ME1: variants seen among roughly 807,000 people sequenced by gnomAD.
ME1 encodes the protein NADP-dependent malic enzyme.
Under a neutral mutation model 66.4 loss-of-function variants are expected in ME1, and 74 were observed. That is an observed-to-expected ratio of 1.11 (90% CI 0.92 to 1.35). The LOEUF is 1.35. ME1 is among the 40% of genes most tolerant of loss of function. The probability of loss-of-function intolerance (pLI) is 0.00; values close to 1 mark genes in which losing one functional copy is unlikely to be tolerated. For missense variants in ME1, 750 were observed against 694.1 expected, an observed-to-expected ratio of 1.08 and a Z score of -0.90; for synonymous variants, 251 against 235.6, an observed-to-expected ratio of 1.07 and a Z score of -0.60.
At chr6:83,251,900 A>C (rs1003425951) in intron 7 of ME1, among the ~76,000 whole-genome samples, 2 of 152,232 alleles carry the variant, frequency 1.3e-5, no homozygotes, top group Admixed American at 1.3e-4. Context: ...AAAGAAAACT[A>C]TCTCTGTTCA....
intron 3 of ME1, among the ~76,000 whole-genome samples, chr6:83,380,347 T>C (rs1769373274): frequency 6.6e-6 from 1 of 152,098 alleles, no homozygotes; most frequent in Non-Finnish European, 1.5e-5. Context: ...GTTTGAATTT[T>C]ATCATGGGGG....
chr6:83,223,972 C>T (rs1399322100), intron 11 of ME1, 39 bp from the exon 12 acceptor site: 1 of 1,577,530 alleles, frequency 6.3e-7, no homozygotes, highest in Admixed American at 1.7e-5. Context: ...TAAAAAGAAG[C>T]AGAATATTTT....
At chr6:83,359,527 CA>C (rs1290278822) in intron 3 of ME1, among the ~76,000 whole-genome samples, 2 of 152,074 alleles carry the variant, frequency 1.3e-5, no homozygotes, top group African/African-American at 4.8e-5. Flanking sequence ...TGTTGCAGCT[CA>C]GGGGGTTACA....
At chr6:83,281,159 T>C (rs1767279719) in intron 6 of ME1, among the ~76,000 whole-genome samples, 1 of 152,218 alleles carries the variant, frequency 6.6e-6, no homozygotes, top group Non-Finnish European at 1.5e-5. Context: ...GAAAAAATAC[T>C]TCAAAGCTTT....
intron 9 of ME1, among the ~76,000 whole-genome samples, chr6:83,231,641 C>T (rs1458133396): frequency 3.3e-5 from 5 of 152,134 alleles, no homozygotes; most frequent in Non-Finnish European, 5.9e-5. Flanking sequence ...GCTTATTTTT[C>T]TTTATTTTTC....
intron 6 of ME1, among the ~76,000 whole-genome samples, chr6:83,281,855 G>GAAAAAAAAAAAAAAA (rs1301482507): frequency 2.2e-5 from 1 of 45,352 alleles, no homozygotes. Flanking sequence ...ACAAAAAAGA[G>GAAAAAAAAAAAAAAA]AAAAAAAAAA....
intron 6 of ME1, among the ~76,000 whole-genome samples, chr6:83,261,944 G>A (rs1382882721): frequency 6.6e-6 from 1 of 150,508 alleles, no homozygotes; most frequent in Non-Finnish European, 1.5e-5. Flanking sequence ...AACCCAGGTG[G>A]TGGAGGTTGC....
intron 12 of ME1, among the ~76,000 whole-genome samples, chr6:83,222,071 G>T (rs1382511404): frequency 6.6e-6 from 1 of 151,848 alleles, no homozygotes; most frequent in African/African-American, 2.4e-5. Context: ...CACGGAATTT[G>T]TCACTAGAGG....
At chr6:83,387,887 G>C (rs761138935) in intron 3 of ME1, among the ~76,000 whole-genome samples, 1 of 151,756 alleles carries the variant, frequency 6.6e-6, no homozygotes, top group Non-Finnish European at 1.5e-5. Flanking sequence ...GATACCATTC[G>C]TGCAGCACAT....
At chr6:83,380,508 G>A (rs944571203) in intron 3 of ME1, among the ~76,000 whole-genome samples, 1 of 151,972 alleles carries the variant, frequency 6.6e-6, no homozygotes, top group African/African-American at 2.4e-5. Context: ...AAAAAAAGTG[G>A]CAATGGGGAT....
At chr6:83,321,448 A>T (rs150057613) in intron 5 of ME1, among the ~76,000 whole-genome samples, 2 of 152,122 alleles carry the variant, frequency 1.3e-5, no homozygotes, top group African/African-American at 4.8e-5. Flanking sequence ...GACCTGGGAC[A>T]CTCGAGCTTG....
At chr6:83,421,385 C>T (rs1406275454) in intron 1 of ME1, among the ~76,000 whole-genome samples, 3 of 152,184 alleles carry the variant, frequency 2.0e-5, no homozygotes, top group African/African-American at 4.8e-5. Flanking sequence ...TTAAAAATAA[C>T]AACCTGAGGG....
chr6:83,219,867 C>T (rs184498209), intron 12 of ME1, among the ~76,000 whole-genome samples: 5 of 151,642 alleles, frequency 3.3e-5, no homozygotes, highest in Admixed American at 2.0e-4. Flanking sequence ...GGATTACAGA[C>T]GTGAGCCACT....
intron 5 of ME1, among the ~76,000 whole-genome samples, chr6:83,329,069 T>C (rs148734973): frequency 1.3e-5 from 2 of 152,300 alleles, no homozygotes; most frequent in African/African-American, 4.8e-5. Flanking sequence ...TGTTTTTGTC[T>C]CCCACATTTC....
intron 13 of ME1, 107 bp from the exon 14 acceptor site, chr6:83,212,201 C>G: frequency 1.5e-6 from 1 of 667,078 alleles, no homozygotes; most frequent in Non-Finnish European, 2.3e-6. Context: ...CCTATGTTTG[C>G]AAAAACATTA....
intron 5 of ME1, among the ~76,000 whole-genome samples, chr6:83,328,961 C>T (rs1768354271): frequency 6.6e-6 from 1 of 152,124 alleles, no homozygotes. Context: ...TACTAATGAT[C>T]TTACTATTCA....
chr6:83,389,551 G>A (rs1769578842), intron 3 of ME1, among the ~76,000 whole-genome samples: 1 of 151,972 alleles, frequency 6.6e-6, no homozygotes, highest in Non-Finnish European at 1.5e-5. Context: ...CAAATACATG[G>A]TATAATAATA....
At chr6:83,212,791 A>G (rs1211040245) in intron 13 of ME1, among the ~76,000 whole-genome samples, 1 of 152,186 alleles carries the variant, frequency 6.6e-6, no homozygotes, top group Admixed American at 6.5e-5. Context: ...CCAAAAAGCA[A>G]TTCCAAACCT....
At chr6:83,260,443 A>G (rs1361891332) in intron 6 of ME1, among the ~76,000 whole-genome samples, 1 of 152,138 alleles carries the variant, frequency 6.6e-6, no homozygotes, top group East Asian at 1.9e-4. Flanking sequence ...TTTTAGGTTC[A>G]GGGGTACATA....
Sources: allele counts gnomAD v4.1 joint callset (sites outside exome capture counted in the v4.1 genomes callset), GRCh38; gene constraint gnomAD v4.1.1; transcripts MANE v1.5; gene names NCBI Gene and HGNC (gene_info 2026-07-23, HGNC 2026-07-21).